Variants in RALYL observed in about 807,000 individuals in gnomAD.
RALYL encodes RNA-binding Raly-like protein.
A neutral mutation model predicts 35.1 loss-of-function variants in RALYL; 29 were observed. That is an observed-to-expected ratio of 0.83 (90% CI 0.61 to 1.13). The LOEUF is 1.13. Among genes scored for constraint, RALYL ranks in the 50% most tolerant of loss-of-function variants. The pLI is 0.00. For synonymous variants in RALYL, 120 were observed against 127.6 expected (o/e 0.94, Z 0.40); for missense variants, 359 against 360.4 (o/e 1.00, Z 0.03).
At chr8:84,609,084 C>T (rs779323935) in intron 2 of RALYL, among the ~76,000 whole-genome samples, 6 of 152,126 alleles carry the variant, frequency 3.9e-5, no homozygotes, top group Non-Finnish European at 8.8e-5. Flanking sequence ...CATTCTTCCT[C>T]ATATGTCTCA....
chr8:84,652,133 A>G (rs571115349), intron 2 of RALYL, among the ~76,000 whole-genome samples: 1 of 152,110 alleles, frequency 6.6e-6, no homozygotes, highest in Admixed American at 6.6e-5. Flanking sequence ...TGTTTCTACA[A>G]GTAGGCACAG....
chr8:84,464,143 T>G (rs1183310945), intron 1 of RALYL, among the ~76,000 whole-genome samples: 1 of 52,890 alleles, frequency 1.9e-5, no homozygotes, highest in Non-Finnish European at 4.0e-5. Flanking sequence ...TTTTTTTTTG[T>G]TTTTTTTTTT....
intron 1 of RALYL, among the ~76,000 whole-genome samples, chr8:84,261,202 A>T (rs903980766): frequency 6.6e-6 from 1 of 151,950 alleles, no homozygotes; most frequent in Non-Finnish European, 1.5e-5. Context: ...TGATTTAGTT[A>T]TAAATTATCT....
chr8:84,576,904 CA>C, intron 2 of RALYL, among the ~76,000 whole-genome samples: 1 of 152,194 alleles, frequency 6.6e-6, no homozygotes, highest in Admixed American at 6.5e-5. Flanking sequence ...TGGTCCACAG[CA>C]AAATGACTGT....
chr8:84,775,640 C>G (rs564709570), intron 3 of RALYL, among the ~76,000 whole-genome samples: 1 of 152,170 alleles, frequency 6.6e-6, no homozygotes, highest in Non-Finnish European at 1.5e-5. Flanking sequence ...TTCCCCTCTA[C>G]GTGCCCCAAT....
At chr8:84,400,404 A>G (rs1172183544) in intron 1 of RALYL, among the ~76,000 whole-genome samples, 1 of 152,172 alleles carries the variant, frequency 6.6e-6, no homozygotes, top group African/African-American at 2.4e-5. Flanking sequence ...GCAGATTTTC[A>G]GACTTGGGAT....
At chr8:84,316,611 C>G (rs1040489229) in intron 1 of RALYL, among the ~76,000 whole-genome samples, 3 of 151,966 alleles carry the variant, frequency 2.0e-5, no homozygotes, top group African/African-American at 7.2e-5. Context: ...AGTTGTTTTC[C>G]TGGCAGATCT....
intron 2 of RALYL, among the ~76,000 whole-genome samples, chr8:84,593,486 C>T (rs1157151821): frequency 6.6e-6 from 1 of 151,968 alleles, no homozygotes; most frequent in Non-Finnish European, 1.5e-5. Flanking sequence ...GGCTTTTGTC[C>T]AGTAGGACAC....
At position 84,272,898 on chromosome 8, in the gene RALYL, A is replaced by G. The variant is rs543151132; in HGVS notation, c.-24+88474A>G. On this transcript the variant is annotated intron_variant, in intron 1 of 8. Transcript: ENST00000521268. ...GGATAGTGTTTTTCCATGTCTAACC[A>G]TCCCCCTCAGAGAAATTATATAAAC... 2.0e-5 allele frequency among the ~76,000 whole-genome samples: 3 copies of G among 152,292 alleles called. No homozygotes were observed. The South Asian group carries it at 6.2e-4, about 32-fold the overall frequency.
At chr8:84,523,678 A>T (rs1587968243) in intron 1 of RALYL, among the ~76,000 whole-genome samples, 2 of 63,516 alleles carry the variant, frequency 3.1e-5, no homozygotes, top group Admixed American at 2.6e-4. Flanking sequence ...CCCCCACCCC[A>T]CCACAGTCCC....
Position 84,433,512 on chromosome 8 carries a change from C to T in RALYL, c.-23-95787C>T, listed in dbSNP as rs148768272. Among the ~76,000 whole-genome samples, 419 of 152,106 alleles carry T rather than the reference C, an allele frequency of 2.8e-3. 2 individuals carry two copies. The highest frequency in any genetic ancestry group is 6.8e-3 in the South Asian group (33 of 4,818). On this transcript the variant is annotated intron_variant, in intron 1 of 8. Transcript: ENST00000521268. Reference sequence around the variant, plus strand: ...TATATCCAAGAATTCCCACATGTTGCGGGAGAGACCCAGCGGGAGGTGATT... The same window carrying T: ...TATATCCAAGAATTCCCACATGTTGTGGGAGAGACCCAGCGGGAGGTGATT...
rs144728748 is a variant in RALYL at position 84,513,807 on chromosome 8, C to A, written c.-23-15492C>A. On this transcript the variant is annotated intron_variant, in intron 1 of 8. Coordinates refer to ENST00000521268, the MANE Select transcript of RALYL (RefSeq NM_173848.7). ...TAAACTCCTTTGAAGATAAGAAATG[C>A]CAATAGGACCAGGTGCAGTGGCTCA... Among the ~76,000 whole-genome samples, 629 of 151,768 alleles carry A rather than the reference C, an allele frequency of 4.1e-3. 5 individuals carry two copies. The highest frequency in any genetic ancestry group is 0.036 in the South Asian group (172 of 4,806).
intron 1 of RALYL, among the ~76,000 whole-genome samples, chr8:84,528,961 G>A (rs1164549919): frequency 6.6e-6 from 1 of 152,226 alleles, no homozygotes; most frequent in Non-Finnish European, 1.5e-5. Context: ...TTTGGTTGCT[G>A]TTGATAGAAT....
intron 1 of RALYL, among the ~76,000 whole-genome samples, chr8:84,395,183 A>T (rs1861527929): frequency 6.6e-6 from 1 of 151,848 alleles, no homozygotes; most frequent in African/African-American, 2.4e-5. Context: ...TGATTTTTTA[A>T]AAGTCCTTGT....
chr8:84,506,307 C>T (rs140059791), intron 1 of RALYL, among the ~76,000 whole-genome samples: 1 of 152,156 alleles, frequency 6.6e-6, no homozygotes, highest in Admixed American at 6.6e-5. Context: ...TAAAGACGCA[C>T]AGCTTATAGA....
Position 84,817,159 on chromosome 8 carries a change from A to G in RALYL, c.365+12357A>G, listed in dbSNP as rs1282802403. Reference sequence around the variant, plus strand: ...CCCTGCATCCAAAAATGACCTTATAATTGCTAACAGCTGTAGTTCACGAAC... The same window carrying G: ...CCCTGCATCCAAAAATGACCTTATAGTTGCTAACAGCTGTAGTTCACGAAC... On this transcript the variant is annotated intron_variant, in intron 4 of 8. Coordinates refer to ENST00000521268, the MANE Select transcript of RALYL (RefSeq NM_173848.7). Among the ~76,000 whole-genome samples the G allele has an allele frequency of 2.6e-5, 4 of 152,182 alleles. No individual in the cohort carries two copies. In the East Asian group the frequency reaches 7.7e-4, roughly 29 times the overall value.
Position 84,469,325 on chromosome 8 carries a change from T to C in RALYL, c.-23-59974T>C, listed in dbSNP as rs1218983418. On this transcript the variant is annotated intron_variant, in intron 1 of 8. Transcript: ENST00000521268. ...GTGATGTACAGATGGGTTTTTGGTG[T>C]GGATGTCCTTTCTGTTTGTTAGTTT... 2.0e-5 allele frequency among the ~76,000 whole-genome samples: 3 copies of C among 152,240 alleles called. No homozygotes were observed. In the East Asian group the frequency reaches 5.8e-4, roughly 29 times the overall value.
intron 1 of RALYL, among the ~76,000 whole-genome samples, chr8:84,282,892 G>T (rs370949815): frequency 1.3e-5 from 2 of 151,820 alleles, no homozygotes; most frequent in African/African-American, 4.8e-5. Flanking sequence ...ATAGAAGAGC[G>T]CGTTCAACTA....
intron 1 of RALYL, among the ~76,000 whole-genome samples, chr8:84,423,059 T>A (rs1391015228): frequency 6.6e-6 from 1 of 150,392 alleles, no homozygotes; most frequent in East Asian, 1.9e-4. Context: ...TAGATGTCTA[T>A]TAGGTCTGCT....
Sources: gnomAD v4.1 joint callset for allele counts (sites outside exome capture counted in the v4.1 genomes callset) on GRCh38, gnomAD v4.1.1 for gene constraint, MANE v1.5 for transcripts, NCBI Gene and HGNC (gene_info 2026-07-23, HGNC 2026-07-21) for gene names.